MUC7: variants seen among roughly 807,000 people sequenced by gnomAD.
MUC7 encodes mucin 7, secreted, also known as mucin-7.
In MUC7, 2 loss-of-function variants were observed where a neutral mutation model predicts 2.5. The observed-to-expected ratio is 0.81, with a 90% CI of 0.33 to 2.55. MUC7 has a LOEUF of 2.55. Among genes scored for constraint, MUC7 ranks in the 30% most tolerant of loss-of-function variants. MUC7 has a pLI of 0.11. For missense variants in MUC7, 408 were observed against 455.6 expected (o/e 0.90, Z 0.95); for synonymous variants, 133 against 173.4 (o/e 0.77, Z 1.83).
At chr4:70,467,559 A>T (rs1053296490), upstream of MUC7, among the ~76,000 whole-genome samples, 9 of 152,188 alleles carry the variant, frequency 5.9e-5, no homozygotes, top group Non-Finnish European at 1.3e-4. Flanking sequence ...TAGATGCAAT[A>T]AAAAATGATA....
intron 1 of MUC7, among the ~76,000 whole-genome samples, chr4:70,438,601 C>T (rs186001601): frequency 6.6e-6 from 1 of 152,176 alleles, no homozygotes; most frequent in Non-Finnish European, 1.5e-5. Flanking sequence ...GGACTACGGG[C>T]ATGCACCACC....
rs952621531 is a variant in MUC7 at position 70,437,443 on chromosome 4, C to G, written c.-93+6756C>G. Reference sequence around the variant, plus strand: ...CTCAGCAATGGCAAATGCCCCTCCCCCCGCCACGCTGTAGCGTCCCAGGTC... The same window carrying G: ...CTCAGCAATGGCAAATGCCCCTCCCGCCGCCACGCTGTAGCGTCCCAGGTC... On this transcript the variant is annotated intron_variant, in intron 1 of 3. Coordinates refer to the MUC7 transcript ENST00000413702. Among the ~76,000 whole-genome samples the G allele has an allele frequency of 2.6e-5, 4 of 152,230 alleles. No homozygotes were observed. In the South Asian group the frequency reaches 8.3e-4, roughly 31 times the overall value.
At chr4:70,437,326 C>T (rs1577897314) in intron 1 of MUC7, among the ~76,000 whole-genome samples, 1 of 152,214 alleles carries the variant, frequency 6.6e-6, no homozygotes, top group African/African-American at 2.4e-5. Flanking sequence ...TCTAGAGAGG[C>T]AGTAGCCTTG....
chr4:70,470,392 G>C (rs1201743722), upstream of MUC7, among the ~76,000 whole-genome samples: 1 of 152,028 alleles, frequency 6.6e-6, no homozygotes, highest in Non-Finnish European at 1.5e-5. Flanking sequence ...TGTATCCCAA[G>C]AGAATATAAT....
intron 1 of MUC7, among the ~76,000 whole-genome samples, chr4:70,431,378 T>C (rs1308829720): frequency 6.6e-6 from 1 of 152,050 alleles, no homozygotes; most frequent in Admixed American, 6.6e-5. Context: ...GGAATACAGA[T>C]ACAAACAATA....
At chr4:70,456,902 GA>G (rs1560550705) in intron 1 of MUC7, among the ~76,000 whole-genome samples, 1 of 151,998 alleles carries the variant, frequency 6.6e-6, no homozygotes, top group African/African-American at 2.4e-5. Flanking sequence ...AGATGAAGGA[GA>G]AAAAGATCTT....
chr4:70,467,510 T>C (rs755572275), upstream of MUC7, among the ~76,000 whole-genome samples: 25 of 152,210 alleles, frequency 1.6e-4, no homozygotes, highest in Non-Finnish European at 2.6e-4. Flanking sequence ...GATAGACCGC[T>C]AGCCAGACTA....
chr4:70,458,378 T>C (rs1734463948), intron 1 of MUC7, among the ~76,000 whole-genome samples: 1 of 152,152 alleles, frequency 6.6e-6, no homozygotes, highest in Non-Finnish European at 1.5e-5. Flanking sequence ...AGGATATTGG[T>C]AATGTTCTAG....
At position 70,461,089 on chromosome 4, in the gene MUC7, G is replaced by A. The variant is rs533666201; in HGVS notation, c.-92-11126G>A. 1.2e-4 allele frequency among the ~76,000 whole-genome samples: 18 copies of A among 152,278 alleles called. No individual in the cohort carries two copies. The South Asian group carries it at 3.1e-3, about 26-fold the overall frequency. On this transcript the variant is annotated intron_variant, in intron 1 of 3. Transcript: ENST00000413702. ...TCAATACTGAACCCCTTGGGGCTCC[G>A]AGCTTATCTTGGCCAAGCTGGCCAC...
At chr4:70,474,728 CAA>C (rs1288463544) in intron 2 of MUC7, among the ~76,000 whole-genome samples, 1 of 151,990 alleles carries the variant, frequency 6.6e-6, no homozygotes, top group Admixed American at 6.6e-5. Flanking sequence ...AATATGGTTT[CAA>C]ATCTGTCAGG....
rs990149727 is a variant in MUC7 at position 70,440,723 on chromosome 4, A to G, written c.-93+10036A>G. 5.3e-5 allele frequency among the ~76,000 whole-genome samples: 8 copies of G among 152,294 alleles called. 1 individual carries two copies. The highest frequency in any genetic ancestry group is 1.7e-4 in the African/African-American group (7 of 41,584). ...ATGTACCCTGAAAATATGTATATCT[A>G]TTGGACATCAATTCAAAACATAATT... On this transcript the variant is annotated intron_variant, in intron 1 of 3. Coordinates refer to the MUC7 transcript ENST00000413702.
At chr4:70,475,687 T>A (rs912490494) in intron 2 of MUC7, among the ~76,000 whole-genome samples, 2 of 152,142 alleles carry the variant, frequency 1.3e-5, no homozygotes, top group African/African-American at 4.8e-5. Flanking sequence ...ATAACCATAT[T>A]TTTCTCTCAT....
chr4:70,456,183 T>C (rs1489040651), intron 1 of MUC7, among the ~76,000 whole-genome samples: 2 of 152,306 alleles, frequency 1.3e-5, no homozygotes, highest in Admixed American at 6.5e-5. Flanking sequence ...AATATCTTTA[T>C]AGCAATGCCC....
intron 2 of MUC7, among the ~76,000 whole-genome samples, chr4:70,476,500 T>C (rs913276475): frequency 9.2e-5 from 14 of 152,202 alleles, no homozygotes; most frequent in Non-Finnish European, 1.9e-4. Flanking sequence ...AGAAAGAGTT[T>C]CCAAAGAACT....
chr4:70,471,568 TAAGA>T (rs1577913104), upstream of MUC7, among the ~76,000 whole-genome samples: 1 of 152,290 alleles, frequency 6.6e-6, no homozygotes, highest in East Asian at 1.9e-4. Context: ...GCAAAACAAC[TAAGA>T]TATATAGCAA....
At chr4:70,450,698 G>A (rs1734258027) in intron 1 of MUC7, among the ~76,000 whole-genome samples, 2 of 152,096 alleles carry the variant, frequency 1.3e-5, no homozygotes, top group South Asian at 2.1e-4. Context: ...TTCCTTCAAG[G>A]CAGCAGGTTC....
chr4:70,441,107 G>T (rs1387054864), intron 1 of MUC7, among the ~76,000 whole-genome samples: 1 of 152,052 alleles, frequency 6.6e-6, no homozygotes, highest in Non-Finnish European at 1.5e-5. Flanking sequence ...TTTATTGTGT[G>T]GTATTACATG....
At chr4:70,462,391 C>G (rs1201964006) in intron 1 of MUC7, among the ~76,000 whole-genome samples, 2 of 152,100 alleles carry the variant, frequency 1.3e-5, no homozygotes, top group Non-Finnish European at 2.9e-5. Context: ...TCACCTTATC[C>G]ATTATAGTTC....
intron 1 of MUC7, among the ~76,000 whole-genome samples, chr4:70,449,975 G>A (rs1313360933): frequency 6.6e-6 from 1 of 152,188 alleles, no homozygotes; most frequent in Non-Finnish European, 1.5e-5. Flanking sequence ...TTCACTCAAG[G>A]CCCTGGGGCT....
Sources: allele counts gnomAD v4.1 joint callset (sites outside exome capture counted in the v4.1 genomes callset), GRCh38; gene constraint gnomAD v4.1.1; transcripts MANE v1.5; gene names NCBI Gene and HGNC (gene_info 2026-07-23, HGNC 2026-07-21).